The following ADGRG4 variants were observed in gnomAD, a reference collection of about 807,000 sequenced individuals.
ADGRG4 encodes the protein G protein-coupled receptor 112.
A neutral mutation model predicts 126.2 loss-of-function variants in ADGRG4; 122 were observed. That is an observed-to-expected ratio of 0.97 (90% CI 0.83 to 1.12). The LOEUF is 1.12. Among genes scored for constraint, ADGRG4 ranks in the 50% most tolerant of loss-of-function variants. ADGRG4 has a pLI of 0.00. For missense variants in ADGRG4, 2,481 were observed against 2,251.8 expected, an observed-to-expected ratio of 1.10 and a Z score of -2.06; for synonymous variants, 943 against 838.7, an observed-to-expected ratio of 1.12 and a Z score of -2.15.
chrX:136,323,564 AATAGG>A (rs1341723567), intron 5 of ADGRG4, among the ~76,000 whole-genome samples, 172 bp downstream of exon 5: 1 of 93,991 alleles, frequency 1.1e-5, no homozygotes, highest in East Asian at 3.4e-4. Context: ...AGATTGGAAG[AATAGG>A]ATAGAAGAAC....
At chrX:136,369,821 G>T (rs888758570) in intron 13 of ADGRG4, among the ~76,000 whole-genome samples, 11 of 111,964 alleles carry the variant, frequency 9.8e-5, no homozygotes, top group African/African-American at 3.6e-4. Context: ...CATCTCCTCA[G>T]GGAGAACTCT....
chrX:136,320,272 A>G (rs2074831947), intron 4 of ADGRG4, among the ~76,000 whole-genome samples: 1 of 112,448 alleles, frequency 8.9e-6, no homozygotes, highest in African/African-American at 3.2e-5. Context: ...CTATCTGTAT[A>G]TTTGTCTAAA....
At chrX:136,311,724 T>C (rs1388332920) in intron 4 of ADGRG4, among the ~76,000 whole-genome samples, 2 of 111,315 alleles carry the variant, frequency 1.8e-5, no homozygotes, top group Non-Finnish European at 3.8e-5. Flanking sequence ...AAATCAGTCC[T>C]TAGGCTGTAG....
rs760203301 is a variant in ADGRG4, at chrX:136,353,406, G to A, written c.6887+5G>A. On this transcript the variant is annotated splice_donor_5th_base_variant and intron_variant, in intron 8 of 25. Coordinates refer to ENST00000394143, the MANE Select transcript of ADGRG4 (RefSeq NM_153834.4). ...GGAAACCCAAATTAAAAGCAGGTAT[G>A]TGAATGACATTTACTGTGGGTCAAA... 1.2e-5 allele frequency: 14 copies of A among 1,163,161 alleles called. No homozygotes were observed. The South Asian group carries it at 2.5e-4, about 21-fold the overall frequency.
intron 7 of ADGRG4, among the ~76,000 whole-genome samples, chrX:136,352,491 T>C (rs181835682): frequency 9.1e-6 from 1 of 109,570 alleles, no homozygotes; most frequent in Non-Finnish European, 1.9e-5. Context: ...CATGGCGAGA[T>C]CTTGTTTTCT....
At chrX:136,373,122 T>C in intron 15 of ADGRG4, 58 bp downstream of exon 15, 3 of 1,037,812 alleles carry the variant, frequency 2.9e-6, no homozygotes, top group East Asian at 6.2e-5. Flanking sequence ...CAGGTCTTCA[T>C]TCATTTACTC....
At chrX:136,375,031 C>A (rs557137963) in intron 15 of ADGRG4, among the ~76,000 whole-genome samples, 6 of 109,708 alleles carry the variant, frequency 5.5e-5, no homozygotes, top group Non-Finnish European at 9.5e-5. Context: ...ATCCTTCACC[C>A]CCCCCACCAC....
intron 3 of ADGRG4, among the ~76,000 whole-genome samples, chrX:136,306,916 G>A (rs2074737660): frequency 9.0e-6 from 1 of 110,770 alleles, no homozygotes; most frequent in Admixed American, 9.7e-5. Context: ...GTTTCACCAT[G>A]TTGCCTAGGC....
chrX:136,353,904 A>T (rs1242156877), intron 8 of ADGRG4, among the ~76,000 whole-genome samples: 1 of 111,946 alleles, frequency 8.9e-6, no homozygotes, highest in East Asian at 2.8e-4. Flanking sequence ...GGCACTGAGT[A>T]GTATCATGGA....
intron 7 of ADGRG4, among the ~76,000 whole-genome samples, chrX:136,352,847 A>G (rs1407393490): frequency 8.9e-6 from 1 of 112,267 alleles, no homozygotes; most frequent in Admixed American, 9.5e-5. Context: ...TGGATGGCTT[A>G]AACAACAGAT....
Position 136,392,317 on chromosome X carries a change from C to T in ADGRG4, c.7997C>T (p.Pro2666Leu). The change falls in exon 17 of 26, where the codon CCA becomes CTA. Residue 2666 changes from proline to leucine, a missense_variant. Pro to Leu is a moderately conservative substitution (Grantham distance 98). Coordinates refer to ENST00000394143, the MANE Select transcript of ADGRG4 (RefSeq NM_153834.4). ...ATGTTCATTCAAAACTTAGCTGACC[C>T]AGTGGTTATCACTCTGCAGCATATT... is the stretch of plus-strand genomic sequence containing the variant. ...DDMFIQNLAD[P>L]VVITLQHIGG... 8.4e-7 allele frequency: 1 copy of T among 1,185,583 alleles called. No homozygotes were observed. The highest frequency in any genetic ancestry group is 2.2e-5 in the Admixed American group (1 of 45,263).
chrX:136,405,749 C>G lies in ADGRG4; in HGVS notation c.8712C>G (p.Leu2904=), dbSNP rs1240679075. 5.9e-6 allele frequency: 7 copies of G among 1,193,281 alleles called. No homozygotes were observed. Among genetic ancestry groups the G allele is most frequent in the Non-Finnish European group, 7.9e-6 (7 of 883,623 alleles). ...FYISVVAYFC[L]IFLMNLSMFC... is the part of the protein sequence containing the mutation. ...TCTCAGTGGTGGCTTATTTTTGCCT[C>G]ATATTTCTCATGAATCTCTCCATGT... Residue 2904 remains leucine, a synonymous_variant, in exon 23 of 26, where the codon CTC becomes CTG. Transcript: ENST00000394143.
At chrX:136,363,414 A>G in intron 12 of ADGRG4, 63 bp from the exon 13 acceptor site, 2 of 766,156 alleles carry the variant, frequency 2.6e-6, no homozygotes, top group South Asian at 4.2e-5. Flanking sequence ...TATATCCACC[A>G]TTTGCTTTAA....
intron 13 of ADGRG4, among the ~76,000 whole-genome samples, chrX:136,370,694 AT>A (rs1161735697): frequency 1.8e-5 from 2 of 111,882 alleles, no homozygotes; most frequent in Non-Finnish European, 3.8e-5. Flanking sequence ...GCGATTATCC[AT>A]TCATTGACAC....
chrX:136,390,434 G>T (rs906471743), intron 16 of ADGRG4, among the ~76,000 whole-genome samples: 5 of 111,403 alleles, frequency 4.5e-5, no homozygotes, highest in African/African-American at 6.5e-5. Context: ...TTCTCAGGGA[G>T]AGGGACAGGC....
chrX:136,389,020 C>T (rs2075305950), intron 16 of ADGRG4, among the ~76,000 whole-genome samples: 1 of 111,883 alleles, frequency 8.9e-6, no homozygotes, highest in South Asian at 3.8e-4. Flanking sequence ...TGCACTGGGC[C>T]AGCTCAAAAT....
chrX:136,383,878 TTTC>T (rs2075278709), intron 15 of ADGRG4, among the ~76,000 whole-genome samples: 1 of 82,809 alleles, frequency 1.2e-5, no homozygotes, highest in African/African-American at 4.5e-5. Context: ...TTCTTTCTTC[TTTC>T]TTCCTTTCCT....
rs148896547 is a variant in ADGRG4, at chrX:136,385,687, A to G, written c.7777-2053A>G. 7.5e-3 allele frequency among the ~76,000 whole-genome samples: 843 copies of G among 111,900 alleles called. 6 individuals are homozygous for G. Among genetic ancestry groups the G allele is most frequent in the African/African-American group, 0.025 (779 of 30,853 alleles). ...TTGGACTATGTCCTGGGTTTTATAA[A>G]TGTTATATATATGAACACTCTAGAT... On this transcript the variant is annotated intron_variant, in intron 15 of 25. Coordinates refer to ENST00000394143, the MANE Select transcript of ADGRG4 (RefSeq NM_153834.4).
At chrX:136,328,453 G>A (rs1445510809) in intron 5 of ADGRG4, among the ~76,000 whole-genome samples, 1 of 111,980 alleles carries the variant, frequency 8.9e-6, no homozygotes, top group Non-Finnish European at 1.9e-5. Context: ...GTGAATGTAT[G>A]AAGAAAAAGA....
Sources: gnomAD v4.1 joint callset for allele counts (sites outside exome capture counted in the v4.1 genomes callset) on GRCh38, gnomAD v4.1.1 for gene constraint, MANE v1.5 for transcripts, NCBI Gene and HGNC (gene_info 2026-07-23, HGNC 2026-07-21) for gene names.